The following RPS6KC1 variants were observed in gnomAD, a reference collection of about 807,000 sequenced individuals.
The protein encoded by RPS6KC1 is ribosomal protein S6 kinase C1.
In RPS6KC1, 54 loss-of-function variants were observed where a neutral mutation model predicts 103.8. The observed-to-expected ratio is 0.52, with a 90% CI of 0.42 to 0.65. RPS6KC1 has a LOEUF of 0.65. RPS6KC1 is among the 30% of genes least tolerant of loss of function. RPS6KC1 has a pLI of 0.00. For missense variants in RPS6KC1, 1,151 were observed against 1,253.8 expected, an observed-to-expected ratio of 0.92 and a Z score of 1.24; for synonymous variants, 439 against 438.7, an observed-to-expected ratio of 1.00 and a Z score of -0.01.
intron 7 of RPS6KC1, among the ~76,000 whole-genome samples, chr1:213,170,013 C>G (rs1170823777): frequency 6.6e-6 from 1 of 152,122 alleles, no homozygotes; most frequent in Non-Finnish European, 1.5e-5. Context: ...AACTCCTGAC[C>G]TCAGGTGATC....
intron 14 of RPS6KC1, among the ~76,000 whole-genome samples, chr1:213,267,954 C>T (rs762959610): frequency 7.9e-5 from 12 of 151,462 alleles, no homozygotes; most frequent in Non-Finnish European, 1.3e-4. Context: ...GCAAATGTAC[C>T]AGTATACATA....
intron 7 of RPS6KC1, among the ~76,000 whole-genome samples, chr1:213,173,150 T>G (rs2091609199): frequency 6.6e-6 from 1 of 152,224 alleles, no homozygotes; most frequent in Non-Finnish European, 1.5e-5. Flanking sequence ...TTGTATGTCC[T>G]TTTGCCATCT....
chr1:213,069,225 T>C (rs2078647030), intron 1 of RPS6KC1, among the ~76,000 whole-genome samples: 1 of 152,178 alleles, frequency 6.6e-6, no homozygotes, highest in African/African-American at 2.4e-5. Flanking sequence ...GAAAGTTCTA[T>C]TGCATAGCAC....
chr1:213,553,687 A>G, the RPS6KC1 span, among the ~76,000 whole-genome samples: 1 of 152,066 alleles, frequency 6.6e-6, no homozygotes, highest in African/African-American at 2.4e-5. Context: ...CATTGTCAGC[A>G]TCTGTTATTT....
At chr1:213,698,132 G>A in the RPS6KC1 span, among the ~76,000 whole-genome samples, 5,365 of 152,110 alleles carry the variant, frequency 0.035, 343 homozygotes, top group African/African-American at 0.12. Flanking sequence ...TAATACTTTC[G>A]ACTTATGTTG....
chr1:213,300,087 G>C, the RPS6KC1 span, among the ~76,000 whole-genome samples: 1 of 152,136 alleles, frequency 6.6e-6, no homozygotes, highest in South Asian at 2.1e-4. Flanking sequence ...TTACAGGCGT[G>C]AGCCACCGCA....
At chr1:213,217,821 A>T (rs1231035856) in intron 8 of RPS6KC1, among the ~76,000 whole-genome samples, 6 of 152,204 alleles carry the variant, frequency 3.9e-5, no homozygotes, top group Non-Finnish European at 7.3e-5. Context: ...AAAATTCAAC[A>T]ACCCTTCATG....
At chr1:213,243,557 C>T (rs1314477364) in intron 12 of RPS6KC1, among the ~76,000 whole-genome samples, 2 of 152,122 alleles carry the variant, frequency 1.3e-5, no homozygotes, top group African/African-American at 2.4e-5. Context: ...GAGATTTATT[C>T]TGTGGGTATT....
At chr1:213,173,516 T>C (rs958917643) in intron 7 of RPS6KC1, among the ~76,000 whole-genome samples, 1 of 152,236 alleles carries the variant, frequency 6.6e-6, no homozygotes, top group Non-Finnish European at 1.5e-5. Context: ...TAATTTTATT[T>C]TCCTCTGTTC....
chr1:213,697,583 C>G, the RPS6KC1 span, among the ~76,000 whole-genome samples: 2 of 152,160 alleles, frequency 1.3e-5, no homozygotes, highest in African/African-American at 2.4e-5. Context: ...GTCAAACACC[C>G]CAATTTGTGG....
chr1:213,459,208 GA>G, the RPS6KC1 span, among the ~76,000 whole-genome samples: 7 of 152,152 alleles, frequency 4.6e-5, no homozygotes, highest in Non-Finnish European at 8.8e-5. Context: ...ACGTCTGGTA[GA>G]ATTCAGCTGT....
chr1:213,552,221 G>A, the RPS6KC1 span, among the ~76,000 whole-genome samples: 1 of 152,194 alleles, frequency 6.6e-6, no homozygotes, highest in Non-Finnish European at 1.5e-5. Context: ...AATACCAAGT[G>A]ATGTAATTGC....
chr1:213,609,306 G>A, the RPS6KC1 span, among the ~76,000 whole-genome samples: 2 of 152,196 alleles, frequency 1.3e-5, no homozygotes, highest in African/African-American at 4.8e-5. Flanking sequence ...GTAGGTCCTT[G>A]ATAGAACGCA....
chr1:213,854,405 G>A, the RPS6KC1 span, among the ~76,000 whole-genome samples: 1 of 152,162 alleles, frequency 6.6e-6, no homozygotes, highest in African/African-American at 2.4e-5. Context: ...GAGTTTCTAT[G>A]ACTCCATTTG....
chr1:213,712,348 G>A, the RPS6KC1 span, among the ~76,000 whole-genome samples: 3 of 152,148 alleles, frequency 2.0e-5, no homozygotes, highest in Non-Finnish European at 4.4e-5. Flanking sequence ...CCTCAGCAAT[G>A]GCAGATGCCC....
chr1:213,602,019 T>TTCTTTTCTTTTC, the RPS6KC1 span, among the ~76,000 whole-genome samples: 2 of 31,522 alleles, frequency 6.3e-5, no homozygotes, highest in African/African-American at 1.8e-4. Flanking sequence ...TTCTTTTCTT[T>TTCTTTTCTTTTC]CTTTCTTTCT....
At chr1:213,121,480 G>A (rs979376646) in intron 5 of RPS6KC1, among the ~76,000 whole-genome samples, 3 of 152,152 alleles carry the variant, frequency 2.0e-5, no homozygotes, top group Non-Finnish European at 4.4e-5. Flanking sequence ...GATGAAAGAA[G>A]ATGTAATTGG....
chr1:213,519,485 A>G, the RPS6KC1 span, among the ~76,000 whole-genome samples: 1 of 152,204 alleles, frequency 6.6e-6, no homozygotes, highest in South Asian at 2.1e-4. Context: ...TGCTTCATAG[A>G]TCTGTGTAAT....
At chr1:213,057,889 C>A (rs2077480586) in intron 1 of RPS6KC1, among the ~76,000 whole-genome samples, 1 of 150,304 alleles carries the variant, frequency 6.7e-6, no homozygotes, top group African/African-American at 2.4e-5. Context: ...TCTCAGCCTC[C>A]TGAGTGGCTG....
Sources: allele counts gnomAD v4.1 joint callset (sites outside exome capture counted in the v4.1 genomes callset), GRCh38; gene constraint gnomAD v4.1.1; transcripts MANE v1.5; gene names NCBI Gene and HGNC (gene_info 2026-07-23, HGNC 2026-07-21).